GRK5: variants seen among roughly 807,000 people sequenced by gnomAD.
GRK5 encodes the protein g protein-coupled receptor kinase GRK5.
A neutral mutation model predicts 78.4 loss-of-function variants in GRK5; 40 were observed. The observed-to-expected ratio is 0.51, with a 90% CI of 0.40 to 0.66. The LOEUF (loss-of-function observed/expected upper bound fraction) is 0.66. Ranked by LOEUF, GRK5 falls within the 30% of genes least tolerant of loss-of-function variation. GRK5 has a pLI of 0.00. For missense variants in GRK5, 598 were observed against 759.9 expected (o/e 0.79, Z 2.50); for synonymous variants, 289 against 296.8 (o/e 0.97, Z 0.27).
intron 2 of GRK5, among the ~76,000 whole-genome samples, chr10:119,331,759 A>G (rs1040576509): frequency 6.6e-6 from 1 of 152,258 alleles, no homozygotes. Flanking sequence ...CTGGACAGTC[A>G]TAGACCATCT....
At chr10:119,320,639 C>T (rs529672567) in intron 1 of GRK5, among the ~76,000 whole-genome samples, 20 of 152,224 alleles carry the variant, frequency 1.3e-4, no homozygotes, top group African/African-American at 3.1e-4. Flanking sequence ...GAGAAACATT[C>T]GGAAAGGTAG....
chr10:119,366,019 G>A (rs930607946), intron 2 of GRK5, among the ~76,000 whole-genome samples: 3 of 152,214 alleles, frequency 2.0e-5, no homozygotes, highest in Admixed American at 1.3e-4. Context: ...ACATGTGCAG[G>A]GAACTAAGCG....
chr10:119,288,376 T>G (rs1464649944), intron 1 of GRK5, among the ~76,000 whole-genome samples: 2 of 152,194 alleles, frequency 1.3e-5, no homozygotes, highest in Non-Finnish European at 2.9e-5. Context: ...TCTGTCTTGC[T>G]TGTTGTAGTT....
intron 1 of GRK5, among the ~76,000 whole-genome samples, chr10:119,307,734 A>G (rs1373352490): frequency 6.6e-6 from 1 of 150,662 alleles, no homozygotes; most frequent in East Asian, 2.0e-4. Context: ...AAGCAAGAGG[A>G]AACTCATGCA....
chr10:119,292,414 C>G (rs1420395759), intron 1 of GRK5, among the ~76,000 whole-genome samples: 4 of 152,140 alleles, frequency 2.6e-5, no homozygotes, highest in African/African-American at 9.7e-5. Context: ...TTCATCTGCT[C>G]ATTGCTTCTG....
rs143085335 is a variant in GRK5 at position 119,336,259 on chromosome 10, G to A, written c.148+9648G>A. Reference sequence around the variant, plus strand: ...GTCCTCAGCCTTCCTTCCTCCCCACGGCTCCACAGTTTGCCCAGGGAAGCT... The same window carrying A: ...GTCCTCAGCCTTCCTTCCTCCCCACAGCTCCACAGTTTGCCCAGGGAAGCT... On this transcript the variant is annotated intron_variant, in intron 2 of 15. Coordinates refer to ENST00000392870, the MANE Select transcript of GRK5 (RefSeq NM_005308.3). This position sits in a 1 kb window ranked among gnomAD's most constrained non-coding sequence, Gnocchi z 4.5. The A allele has an allele frequency of 5.3e-5, 8 of 152,186 alleles. No homozygotes were observed. Among genetic ancestry groups the A allele is most frequent in the South Asian group, 2.1e-4 (1 of 4,820 alleles). 9.4% of individuals were successfully genotyped at this position (152,186 alleles called of 1,614,324 possible).
At chr10:119,440,895 G>T (rs1046161284) in intron 10 of GRK5, among the ~76,000 whole-genome samples, 5 of 152,156 alleles carry the variant, frequency 3.3e-5, no homozygotes, top group African/African-American at 4.8e-5. Flanking sequence ...AGAAGGGCAA[G>T]GCAGCATCTC....
At chr10:119,392,957 C>G (rs2133844743) in intron 3 of GRK5, among the ~76,000 whole-genome samples, 1 of 152,378 alleles carries the variant, frequency 6.6e-6, no homozygotes. Context: ...CTGGTTTAAG[C>G]TTTCTCCCAC....
chr10:119,326,367 G>A (rs913271616), intron 1 of GRK5, 149 bp from the exon 2 acceptor site: 9 of 655,224 alleles, frequency 1.4e-5, no homozygotes, highest in Non-Finnish European at 2.5e-5. Flanking sequence ...GTGTGTGTTT[G>A]TGTGTGTCTT....
intron 2 of GRK5, among the ~76,000 whole-genome samples, chr10:119,376,838 A>T (rs986960080): frequency 6.6e-6 from 1 of 152,152 alleles, no homozygotes; most frequent in African/African-American, 2.4e-5. Flanking sequence ...AAGTGATGGG[A>T]TTACAGGCGT....
chr10:119,410,937 C>T (rs1589795147), intron 4 of GRK5, among the ~76,000 whole-genome samples: 1 of 150,856 alleles, frequency 6.6e-6, no homozygotes, highest in Non-Finnish European at 1.5e-5. Context: ...CACTCTACAG[C>T]CTGCAGTCCT....
intron 2 of GRK5, among the ~76,000 whole-genome samples, chr10:119,343,580 A>G (rs1851020846): frequency 6.6e-6 from 1 of 152,226 alleles, no homozygotes; most frequent in Non-Finnish European, 1.5e-5. Flanking sequence ...CATATTGGCC[A>G]TGGCTTCCCC....
At chr10:119,220,089 G>C (rs760483066) in intron 1 of GRK5, among the ~76,000 whole-genome samples, 43 of 152,170 alleles carry the variant, frequency 2.8e-4, no homozygotes, top group Non-Finnish European at 4.6e-4. Flanking sequence ...CAAGGAAAAC[G>C]TATGTTAACT....
intron 2 of GRK5, among the ~76,000 whole-genome samples, chr10:119,334,099 T>C (rs1357518561): frequency 2.6e-5 from 4 of 152,148 alleles, no homozygotes; most frequent in Non-Finnish European, 5.9e-5. Context: ...CCATGAGCAC[T>C]GAGACAGATT....
chr10:119,209,487 GTTTTTTTTT>G (rs60169912), intron 1 of GRK5, among the ~76,000 whole-genome samples: 1 of 98,910 alleles, frequency 1.0e-5, no homozygotes, highest in African/African-American at 3.7e-5. Flanking sequence ...TGTGTGTGTG[GTTTTTTTTT>G]TTTTTTTTTT....
chr10:119,257,430 G>A (rs1379554380), intron 1 of GRK5, among the ~76,000 whole-genome samples: 1 of 152,196 alleles, frequency 6.6e-6, no homozygotes, highest in Non-Finnish European at 1.5e-5. Context: ...TATTTCAAAA[G>A]TGCTGGGGCA....
At chr10:119,454,269 C>T (rs1449951511) in intron 15 of GRK5, among the ~76,000 whole-genome samples, 2 of 152,200 alleles carry the variant, frequency 1.3e-5, no homozygotes, top group Admixed American at 1.3e-4. Context: ...TCTCACAGAC[C>T]CGGGTTCAAA....
At chr10:119,277,772 C>T (rs1258587140) in intron 1 of GRK5, among the ~76,000 whole-genome samples, 1 of 152,166 alleles carries the variant, frequency 6.6e-6, no homozygotes, top group African/African-American at 2.4e-5. Flanking sequence ...TGCTTTCTGT[C>T]GCTCTGGATT....
intron 3 of GRK5, among the ~76,000 whole-genome samples, chr10:119,387,053 G>A (rs770499429): frequency 2.6e-5 from 4 of 151,940 alleles, no homozygotes; most frequent in Non-Finnish European, 5.9e-5. Context: ...TGCCCAGGCT[G>A]GAGTGCAGTG....
Sources: gnomAD v4.1 joint callset for allele counts (sites outside exome capture counted in the v4.1 genomes callset) on GRCh38, gnomAD v4.1.1 for gene constraint, Gnocchi (gnomAD v3.1) non-coding constraint, MANE v1.5 for transcripts, NCBI Gene and HGNC (gene_info 2026-07-23, HGNC 2026-07-21) for gene names.